The following CNTNAP5 variants were observed in gnomAD, a reference collection of about 807,000 sequenced individuals.
CNTNAP5 encodes the protein contactin-associated protein-like 5.
A neutral mutation model predicts 150.2 loss-of-function variants in CNTNAP5; 72 were observed. That is an observed-to-expected ratio of 0.48 (90% confidence interval 0.40 to 0.58). CNTNAP5 has a LOEUF of 0.58. CNTNAP5 is among the 20% of genes least tolerant of loss of function. The pLI is 0.00. For synonymous variants in CNTNAP5, 672 were observed against 619.8 expected (o/e 1.08, Z -1.25); for missense variants, 1,636 against 1,626.2 (o/e 1.01, Z -0.10).
chr2:124,565,196 G>A (rs1463003454), intron 11 of CNTNAP5, among the ~76,000 whole-genome samples: 1 of 152,192 alleles, frequency 6.6e-6, no homozygotes. Flanking sequence ...TAGTCCACTA[G>A]TCCACTGGTC....
At chr2:124,751,790 G>A (rs902145594) in intron 14 of CNTNAP5, among the ~76,000 whole-genome samples, 2 of 152,174 alleles carry the variant, frequency 1.3e-5, no homozygotes, top group Admixed American at 6.5e-5. Flanking sequence ...GATAGCGGTT[G>A]AATATGTTAC....
rs145220728 is a variant in CNTNAP5 at position 124,187,529 on chromosome 2, G to T, written c.83-34176G>T. Among the ~76,000 whole-genome samples, 14 of 152,310 alleles carry T rather than the reference G, an allele frequency of 9.2e-5. No individual in the cohort carries two copies. The South Asian group carries it at 2.9e-3, about 32-fold the overall frequency. On this transcript the variant is annotated intron_variant, in intron 1 of 23. Transcript: ENST00000682447. ...AGAGAAGCAGGAGAGGACCTTGTGG[G>T]CTTGAATTTTGAACGAGTAAAATAA...
intron 6 of CNTNAP5, among the ~76,000 whole-genome samples, chr2:124,459,623 C>T (rs115417201): frequency 7.2e-5 from 11 of 151,826 alleles, no homozygotes; most frequent in South Asian, 4.2e-4. Context: ...ATGGTGCACA[C>T]GCCTGTAATT....
chr2:124,123,068 G>A (rs148507224), intron 1 of CNTNAP5, among the ~76,000 whole-genome samples: 2,034 of 152,030 alleles, frequency 0.013, 45 homozygotes, highest in Admixed American at 0.062. Flanking sequence ...GGGGCTTGTC[G>A]GACACTGGGT....
intron 9 of CNTNAP5, among the ~76,000 whole-genome samples, chr2:124,525,618 G>C (rs958646065): frequency 2.0e-5 from 3 of 152,180 alleles, no homozygotes; most frequent in Non-Finnish European, 4.4e-5. Flanking sequence ...ACATATCGAG[G>C]TCTCCTAGGA....
rs1009119591 is a variant in CNTNAP5, at chr2:124,785,499, T to C, written c.2753-4403T>C. Among the ~76,000 whole-genome samples, 10 of 152,366 alleles carry C rather than the reference T, an allele frequency of 6.6e-5. No homozygotes were observed. In the South Asian group the frequency reaches 1.0e-3, roughly 16 times the overall value. ...TAATAAGTTTATATGAGTTCAGGTG[T>C]GCATGTCTGCGACTACAGGGGTAGT... On this transcript the variant is annotated intron_variant, in intron 17 of 23. Transcript: ENST00000682447.
chr2:124,479,571 G>A (rs1049535420), intron 7 of CNTNAP5, among the ~76,000 whole-genome samples: 1 of 152,190 alleles, frequency 6.6e-6, no homozygotes, highest in Non-Finnish European at 1.5e-5. Flanking sequence ...AATTGACTAT[G>A]TCAATTCATT....
intron 6 of CNTNAP5, among the ~76,000 whole-genome samples, chr2:124,448,690 T>G (rs2104808350): frequency 6.6e-6 from 1 of 152,304 alleles, no homozygotes; most frequent in Admixed American, 6.5e-5. Context: ...TTTTACATTT[T>G]TAAAGGGTTG....
intron 13 of CNTNAP5, among the ~76,000 whole-genome samples, chr2:124,712,906 C>G (rs1269869848): frequency 6.6e-6 from 1 of 152,082 alleles, no homozygotes; most frequent in Non-Finnish European, 1.5e-5. Flanking sequence ...GCTGTTGAGT[C>G]TGTCCTTCAG....
At chr2:124,746,188 A>G (rs915223127) in intron 13 of CNTNAP5, among the ~76,000 whole-genome samples, 1 of 152,204 alleles carries the variant, frequency 6.6e-6, no homozygotes, top group Non-Finnish European at 1.5e-5. Flanking sequence ...ACAATTACCA[A>G]AGGGAGCCCA....
chr2:124,789,935 G>A lies in CNTNAP5; in HGVS notation c.2786G>A (p.Gly929Glu), dbSNP rs1285313207. ...TCATCCAGACAGAAAGGCTTCCTAG[G>A]ATGCATTCGCTCCTTACACTTGAAT... The part of the protein sequence containing the change: ...GTSSRQKGFL[G>E]CIRSLHLNGQ... The change falls in exon 18 of 24, where the codon GGA becomes GAA. Residue 929 changes from glycine to glutamate, a missense_variant. Physicochemically the swap from Gly to Glu is moderately conservative, Grantham distance 98. Coordinates refer to ENST00000682447, the MANE Select transcript of CNTNAP5 (RefSeq NM_001367498.1). 6.2e-7 allele frequency: 1 copy of A among 1,613,676 alleles called. No homozygotes were observed. The highest frequency in any genetic ancestry group is 1.7e-5 in the Admixed American group (1 of 60,000).
rs1678737969 is a variant in CNTNAP5 at position 124,915,157 on chromosome 2, CAT to C, written c.*872_*873del. 1.8e-5 allele frequency: 3 copies of C among 165,508 alleles called. No homozygotes were observed. Among genetic ancestry groups the C allele is most frequent in the African/African-American group, 7.3e-5 (3 of 41,182 alleles). 10.3% of individuals were successfully genotyped at this position (165,508 alleles called of 1,614,324 possible). A position where few individuals can be genotyped will look rare whatever the true frequency, so the allele number is the denominator to read the frequency against. ...ATATATATATATACACACACACACA[CAT>C]ATGTGTATATATGTATATATATATG... On this transcript the variant is annotated 3_prime_UTR_variant, in exon 24 of 24. Coordinates refer to ENST00000682447, the MANE Select transcript of CNTNAP5 (RefSeq NM_001367498.1).
intron 11 of CNTNAP5, among the ~76,000 whole-genome samples, chr2:124,598,740 A>T (rs1696897695): frequency 6.6e-6 from 1 of 152,036 alleles, no homozygotes; most frequent in Non-Finnish European, 1.5e-5. Flanking sequence ...CCCCTCCCCC[A>T]GCCTCGCTGC....
chr2:124,402,897 C>A (rs1042655520), intron 3 of CNTNAP5, among the ~76,000 whole-genome samples: 1 of 152,202 alleles, frequency 6.6e-6, no homozygotes, highest in Non-Finnish European at 1.5e-5. Context: ...ACCTATTTCT[C>A]TCATTTTCTT....
In CNTNAP5 at chr2:124,817,673, G is replaced by A. The variant is rs80289278; in HGVS notation, c.3217+19353G>A. On this transcript the variant is annotated intron_variant, in intron 19 of 23. Coordinates refer to ENST00000682447, the MANE Select transcript of CNTNAP5 (RefSeq NM_001367498.1). ...GGAGGATAAAATTATTCAGTTACAC[G>A]TCTTTCCATGTACAAATAGTGTGAC... is the stretch of plus-strand genomic sequence containing the variant. Among the ~76,000 whole-genome samples the A allele has an allele frequency of 4.1e-3, 628 of 152,192 alleles. 17 individuals carry two copies. The East Asian group carries it at 0.063, about 15-fold the overall frequency.
Position 124,040,661 on chromosome 2 carries a change from G to A in CNTNAP5, c.82+14929G>A, listed in dbSNP as rs554291948. Among the ~76,000 whole-genome samples, 137 of 147,722 alleles carry A rather than the reference G, an allele frequency of 9.3e-4. 1 individual carries two copies. The highest frequency in any genetic ancestry group is 1.7e-3 in the Non-Finnish European group (110 of 66,372). Reference sequence around the variant, plus strand: ...TGTGTGTGTGTGTGTGTGTGTAACAGTGCTTACTTCTTTACTGGCAGAAGA... The same window carrying A: ...TGTGTGTGTGTGTGTGTGTGTAACAATGCTTACTTCTTTACTGGCAGAAGA... On this transcript the variant is annotated intron_variant, in intron 1 of 23. Coordinates refer to ENST00000682447, the MANE Select transcript of CNTNAP5 (RefSeq NM_001367498.1).
chr2:124,592,118 C>A (rs532320008), intron 11 of CNTNAP5, among the ~76,000 whole-genome samples: 1 of 152,076 alleles, frequency 6.6e-6, no homozygotes, highest in African/African-American at 2.4e-5. Flanking sequence ...AACTAGTCCT[C>A]AATTGATGAA....
At chr2:124,393,443 C>T (rs1691169818) in intron 3 of CNTNAP5, among the ~76,000 whole-genome samples, 1 of 152,074 alleles carries the variant, frequency 6.6e-6, no homozygotes, top group Admixed American at 6.5e-5. Flanking sequence ...TAAGACTTAA[C>T]TGTAAGGCTT....
rs201958968 is a variant in CNTNAP5, at chr2:124,914,180, G to C, written c.3816G>C (p.Thr1272=). ...FLYQHKQSHR[T]SQMKEKEYPE... ...ACCAGCACAAGCAGTCACATCGTAC[G>C]AGCCAGATGAAGGAGAAGGAATATC... Residue 1272 remains threonine, a synonymous_variant, in exon 24 of 24, where the codon ACG becomes ACC. Coordinates refer to ENST00000682447, the MANE Select transcript of CNTNAP5 (RefSeq NM_001367498.1). The C allele has an allele frequency of 6.2e-7, 1 of 1,612,426 alleles. No homozygotes were observed. The highest frequency in any genetic ancestry group is 8.5e-7 in the Non-Finnish European group (1 of 1,178,878).
Sources: gnomAD v4.1 joint callset for allele counts (sites outside exome capture counted in the v4.1 genomes callset) on GRCh38, gnomAD v4.1.1 for gene constraint, MANE v1.5 for transcripts, NCBI Gene and HGNC (gene_info 2026-07-23, HGNC 2026-07-21) for gene names.